IL3RA: variants seen among roughly 807,000 people sequenced by gnomAD.
IL3RA encodes interleukin-3 receptor subunit alpha.
In IL3RA, 73 loss-of-function variants were observed where a neutral mutation model predicts 52.3. That is an observed-to-expected ratio of 1.40 (90% CI 1.16 to 1.70). The LOEUF (loss-of-function observed/expected upper bound fraction) is 1.70, where lower values mean the gene tolerates loss of function less well. IL3RA is among the 40% of genes most tolerant of loss of function. IL3RA has a pLI of 0.00. For missense variants in IL3RA, 664 were observed against 504.4 expected (o/e 1.32, Z -3.03); for synonymous variants, 260 against 194.0 (o/e 1.34, Z -2.83).
chrX:1,358,651 TC>T (rs2086920536), intron 7 of IL3RA, among the ~76,000 whole-genome samples: 1 of 152,140 alleles, frequency 6.6e-6, no homozygotes, highest in African/African-American at 2.4e-5. Flanking sequence ...GGAGTGAGAC[TC>T]CGTCTCATAA....
At chrX:1,355,419 A>AGGAGGGGAGGAGG (rs2086624146) in intron 6 of IL3RA, among the ~76,000 whole-genome samples, 3 of 76,844 alleles carry the variant, frequency 3.9e-5, no homozygotes, top group African/African-American at 1.6e-4. Flanking sequence ...GCGGAGGGGG[A>AGGAGGGGAGGAGG]GGAGGGGAGG....
At chrX:1,378,201 AAAAG>A (rs1189274834) in intron 9 of IL3RA, among the ~76,000 whole-genome samples, 1 of 151,644 alleles carries the variant, frequency 6.6e-6, no homozygotes, top group Non-Finnish European at 1.5e-5. Context: ...AAAAAAAAGA[AAAAG>A]AAAAAGAAAA....
rs199612533 is a variant in IL3RA at position 1,356,351 on chromosome X, C to G, written c.732+15C>G. 5.2e-6 allele frequency: 8 copies of G among 1,546,680 alleles called. No homozygotes were observed. The highest frequency in any genetic ancestry group is 7.1e-6 in the Non-Finnish European group (8 of 1,121,680). ...AGATACAAAAGGTAAACTTTCACCCCGCCCCCAGCCCCCCCACCCCCGTGG... is the reference window on the plus strand; with the variant it reads ...AGATACAAAAGGTAAACTTTCACCCGGCCCCCAGCCCCCCCACCCCCGTGG... On this transcript the variant is annotated intron_variant, in intron 7 of 11. Coordinates refer to ENST00000331035, the MANE Select transcript of IL3RA (RefSeq NM_002183.4).
At chrX:1,348,116 G>A (rs1344926089) in intron 3 of IL3RA, among the ~76,000 whole-genome samples, 1 of 151,052 alleles carries the variant, frequency 6.6e-6, no homozygotes, top group Non-Finnish European at 1.5e-5. Flanking sequence ...GGAGGCTGAG[G>A]CAGGCGGATC....
At chrX:1,381,741 AC>A (rs1392191713) in intron 11 of IL3RA, among the ~76,000 whole-genome samples, 2 of 150,398 alleles carry the variant, frequency 1.3e-5, no homozygotes, top group African/African-American at 4.9e-5. Flanking sequence ...ACGGGGTTTC[AC>A]CATGTTGGCC....
chrX:1,363,920 C>T (rs1482326746), intron 8 of IL3RA, among the ~76,000 whole-genome samples: 1 of 151,862 alleles, frequency 6.6e-6, no homozygotes, highest in East Asian at 1.9e-4. Flanking sequence ...CGGTGGCTCA[C>T]GCTGGTAATC....
At chrX:1,356,850 T>A (rs1242669503) in intron 7 of IL3RA, among the ~76,000 whole-genome samples, 17 of 152,276 alleles carry the variant, frequency 1.1e-4, no homozygotes, top group Admixed American at 3.3e-4. Context: ...TGTGGTTTTT[T>A]AATTTTTTCT....
At chrX:1,381,145 G>T (rs374756746) in intron 11 of IL3RA, 41 bp downstream of exon 11, 7 of 1,592,896 alleles carry the variant, frequency 4.4e-6, no homozygotes, top group Non-Finnish European at 6.0e-6. Flanking sequence ...CTGGAGGCGT[G>T]GTGGCCACTT....
intron 2 of IL3RA, among the ~76,000 whole-genome samples, chrX:1,342,367 TG>T (rs1239838639): frequency 6.6e-6 from 1 of 151,946 alleles, no homozygotes; most frequent in East Asian, 1.9e-4. Flanking sequence ...GATTTCACTA[TG>T]TCGGTCAGGC....
intron 8 of IL3RA, among the ~76,000 whole-genome samples, chrX:1,360,823 C>T (rs760385333): frequency 1.2e-3 from 175 of 151,944 alleles, no homozygotes; most frequent in African/African-American, 4.0e-3. Context: ...CCACCGTGCC[C>T]GGCCCCTCTC....
intron 4 of IL3RA, among the ~76,000 whole-genome samples, 159 bp downstream of exon 4, chrX:1,348,704 C>CTCTT (rs1203615275): frequency 2.5e-4 from 20 of 79,078 alleles, no homozygotes; most frequent in Admixed American, 1.0e-3. Context: ...TTCTTTCTTT[C>CTCTT]TGTTTCTGTT....
intron 8 of IL3RA, among the ~76,000 whole-genome samples, chrX:1,359,850 C>G (rs187290935): frequency 1.3e-5 from 2 of 148,558 alleles, no homozygotes; most frequent in African/African-American, 5.0e-5. Flanking sequence ...CTCCCCCCTC[C>G]CCATCTCTTT....
chrX:1,358,598 G>T (rs1473238021), intron 7 of IL3RA, among the ~76,000 whole-genome samples: 1 of 152,204 alleles, frequency 6.6e-6, no homozygotes, highest in Non-Finnish European at 1.5e-5. Context: ...GGCGGAGGTT[G>T]CAGTGAGCCG....
In IL3RA at chrX:1,348,203, A is replaced by T. The variant is rs749968168; in HGVS notation, c.184-228A>T. On this transcript the variant is annotated intron_variant, in intron 3 of 11. Transcript: ENST00000331035. ...CTCTACCCAGAAAAATACTTTAAAA[A>T]TTAGCTGGGCGTGGTGGCGGGCACC... 6.8e-4 allele frequency among the ~76,000 whole-genome samples: 101 copies of T among 149,470 alleles called. 1 individual carries two copies. The highest frequency in any genetic ancestry group is 2.4e-3 in the African/African-American group (96 of 40,314).
chrX:1,358,183 A>G (rs1451891062), intron 7 of IL3RA, among the ~76,000 whole-genome samples: 2 of 152,004 alleles, frequency 1.3e-5, no homozygotes, highest in African/African-American at 2.4e-5. Flanking sequence ...GCATAGCTGC[A>G]GCCACAGGCA....
chrX:1,359,615 T>C (rs1275626928), intron 8 of IL3RA, among the ~76,000 whole-genome samples: 1 of 148,210 alleles, frequency 6.7e-6, no homozygotes, highest in African/African-American at 2.5e-5. Context: ...TCCCTCCCTC[T>C]CTCATTCTCC....
chrX:1,368,152 G>C (rs1288026273), intron 9 of IL3RA, among the ~76,000 whole-genome samples: 8 of 152,100 alleles, frequency 5.3e-5, no homozygotes, highest in Non-Finnish European at 8.8e-5. Context: ...CCAGCTACTC[G>C]GGAGGCTGAG....
chrX:1,339,298 C>T (rs1166718103), intron 1 of IL3RA, among the ~76,000 whole-genome samples: 4 of 152,164 alleles, frequency 2.6e-5, no homozygotes, highest in Non-Finnish European at 1.5e-5. Context: ...CTAGAGATTG[C>T]CTGTTGCCTT....
At chrX:1,348,062 C>G (rs2085844033) in intron 3 of IL3RA, among the ~76,000 whole-genome samples, 1 of 111,088 alleles carries the variant, frequency 9.0e-6, no homozygotes, top group South Asian at 3.0e-4. Flanking sequence ...AGAAAAAAGT[C>G]TTGGCCGGGC....
Sources: gnomAD v4.1 joint callset for allele counts (sites outside exome capture counted in the v4.1 genomes callset) on GRCh38, gnomAD v4.1.1 for gene constraint, MANE v1.5 for transcripts, NCBI Gene and HGNC (gene_info 2026-07-23, HGNC 2026-07-21) for gene names.